Variants in MALRD1 observed in about 807,000 individuals in gnomAD.
The protein encoded by MALRD1 is MAM and LDL-receptor class A domain-containing protein 1.
Under a neutral mutation model 242.1 loss-of-function variants are expected in MALRD1, and 247 were observed. The observed-to-expected ratio is 1.02, with a 90% confidence interval of 0.92 to 1.13. The LOEUF is 1.13. Ranked by LOEUF, MALRD1 falls within the 50% of genes most tolerant of loss-of-function variation. The pLI is 0.00. For synonymous variants in MALRD1, 995 were observed against 866.6 expected (o/e 1.15, Z -2.60); for missense variants, 2,989 against 2,533.1 (o/e 1.18, Z -3.86).
At chr10:19,324,238 G>A (rs1843022668) in intron 22 of MALRD1, 133 bp downstream of exon 22, 2 of 834,638 alleles carry the variant, frequency 2.4e-6, no homozygotes, top group African/African-American at 3.5e-5. Flanking sequence ...ATTTATAGTG[G>A]TATATGGAGT....
At chr10:19,296,433 G>C (rs1017256092) in intron 21 of MALRD1, among the ~76,000 whole-genome samples, 19 of 152,026 alleles carry the variant, frequency 1.2e-4, no homozygotes, top group Non-Finnish European at 2.6e-4. Context: ...GCTTTGGCAT[G>C]ATTTTTCCAG....
chr10:19,318,283 T>G (rs115888652), intron 21 of MALRD1, among the ~76,000 whole-genome samples: 1 of 152,016 alleles, frequency 6.6e-6, no homozygotes, highest in South Asian at 2.1e-4. Flanking sequence ...TATTGCTACA[T>G]TGTACTGTTC....
At chr10:19,111,182 G>T (rs902106098) in intron 5 of MALRD1, among the ~76,000 whole-genome samples, 4 of 152,218 alleles carry the variant, frequency 2.6e-5, no homozygotes, top group Admixed American at 2.6e-4. Flanking sequence ...CAGATGTGTA[G>T]TAAGTATTTA....
chr10:19,682,342 C>T (rs537012381), intron 36 of MALRD1, among the ~76,000 whole-genome samples: 1 of 152,156 alleles, frequency 6.6e-6, no homozygotes, highest in African/African-American at 2.4e-5. Context: ...CAGGCACACT[C>T]AGAAATAAGT....
chr10:19,439,553 G>GGC (rs1834517406), intron 28 of MALRD1, among the ~76,000 whole-genome samples: 1 of 151,258 alleles, frequency 6.6e-6, no homozygotes, highest in Non-Finnish European at 1.5e-5. Flanking sequence ...AAAAGTGGGG[G>GGC]ATAAATATTA....
intron 1 of MALRD1, among the ~76,000 whole-genome samples, chr10:19,055,201 T>G (rs1385837574): frequency 6.6e-6 from 1 of 152,214 alleles, no homozygotes; most frequent in Non-Finnish European, 1.5e-5. Context: ...TATGTCTTCT[T>G]TTGAGTAATA....
intron 32 of MALRD1, among the ~76,000 whole-genome samples, chr10:19,556,200 C>T (rs976884091): frequency 3.3e-5 from 5 of 152,154 alleles, no homozygotes; most frequent in African/African-American, 1.2e-4. Flanking sequence ...TCCCTCTCAA[C>T]TTACCCTTGT....
chr10:19,515,545 C>G lies in MALRD1; in HGVS notation c.5321-15649C>G, dbSNP rs114078742. On this transcript the variant is annotated intron_variant, in intron 31 of 39. Coordinates refer to ENST00000454679, the MANE Select transcript of MALRD1 (RefSeq NM_001142308.3). ...AGATTTCCCGTAGCCTCAACTTTCT[C>G]TTTTTTTTAATTTTTATTTATTTAT... Among the ~76,000 whole-genome samples the G allele has an allele frequency of 3.2e-3, 491 of 151,292 alleles. 2 individuals are homozygous for G. The highest frequency in any genetic ancestry group is 0.011 in the African/African-American group (469 of 41,338).
chr10:19,185,704 A>C (rs975714388), intron 14 of MALRD1, among the ~76,000 whole-genome samples: 9 of 152,142 alleles, frequency 5.9e-5, no homozygotes, highest in African/African-American at 2.2e-4. Flanking sequence ...ATTGACCAAG[A>C]ATAATTGCAT....
At chr10:19,410,931 A>G (rs368907209) in intron 28 of MALRD1, among the ~76,000 whole-genome samples, 6 of 152,298 alleles carry the variant, frequency 3.9e-5, no homozygotes, top group African/African-American at 1.4e-4. Context: ...TTGATAAGCT[A>G]TATGACCATG....
At chr10:19,451,454 A>T (rs1835322512) in intron 29 of MALRD1, among the ~76,000 whole-genome samples, 1 of 152,188 alleles carries the variant, frequency 6.6e-6, no homozygotes, top group Non-Finnish European at 1.5e-5. Flanking sequence ...AATAATTATA[A>T]ATACATTTGT....
intron 29 of MALRD1, among the ~76,000 whole-genome samples, chr10:19,487,313 T>C (rs538620678): frequency 7.2e-5 from 11 of 152,066 alleles, no homozygotes; most frequent in Admixed American, 3.9e-4. Flanking sequence ...AAATCTATCT[T>C]TTCAATTTGC....
At chr10:19,138,126 C>G (rs995958105) in intron 10 of MALRD1, among the ~76,000 whole-genome samples, 3 of 149,092 alleles carry the variant, frequency 2.0e-5, no homozygotes, top group Non-Finnish European at 4.4e-5. Flanking sequence ...AAATCCCCTT[C>G]TGCCATGTTC....
chr10:19,613,679 A>G (rs1839003834), intron 35 of MALRD1, among the ~76,000 whole-genome samples: 1 of 152,066 alleles, frequency 6.6e-6, no homozygotes, highest in Non-Finnish European at 1.5e-5. Flanking sequence ...ATTCTAACAC[A>G]TGAAACATGA....
In MALRD1 at chr10:19,209,393, A is replaced by C. The variant is rs966637144; in HGVS notation, c.2704A>C (p.Asn902His). 5.2e-6 allele frequency: 8 copies of C among 1,550,968 alleles called. No homozygotes were observed. The highest frequency in any genetic ancestry group is 7.0e-6 in the Non-Finnish European group (8 of 1,147,098). ...ACTTAACACAGGGCCAATGAAAGAT[A>C]ACACTCTGGGCACAGCTAAAGGACA... ...PTLNTGPMKD[N>H]TLGTAKGHYL... The change falls in exon 18 of 40, where the codon AAC becomes CAC. Residue 902 changes from asparagine (N) to histidine (H), a missense_variant. Physicochemically the swap from Asn to His is moderately conservative, Grantham distance 68. Transcript: ENST00000454679.
intron 36 of MALRD1, among the ~76,000 whole-genome samples, chr10:19,621,310 C>A (rs1839389154): frequency 8.0e-6 from 1 of 124,308 alleles, no homozygotes; most frequent in Non-Finnish European, 1.7e-5. Flanking sequence ...ATACATGCAA[C>A]ACTTTAATTT....
chr10:19,577,066 G>A (rs1417682274), intron 33 of MALRD1, among the ~76,000 whole-genome samples: 1 of 149,652 alleles, frequency 6.7e-6, no homozygotes, highest in Non-Finnish European at 1.5e-5. Flanking sequence ...ATAACATAGA[G>A]TAGGTATGTA....
At chr10:19,237,019 A>G (rs1198795374) in intron 18 of MALRD1, among the ~76,000 whole-genome samples, 16 of 152,124 alleles carry the variant, frequency 1.1e-4, no homozygotes, top group Admixed American at 9.8e-4. Context: ...TCACATTGTA[A>G]TTATATAGAT....
intron 36 of MALRD1, among the ~76,000 whole-genome samples, chr10:19,664,232 A>G (rs1375473946): frequency 6.6e-6 from 1 of 152,094 alleles, no homozygotes; most frequent in Non-Finnish European, 1.5e-5. Flanking sequence ...ATAAAGAAAC[A>G]TGGTGACTAG....
Sources: gnomAD v4.1 joint callset for allele counts (sites outside exome capture counted in the v4.1 genomes callset) on GRCh38, gnomAD v4.1.1 for gene constraint, MANE v1.5 for transcripts, NCBI Gene and HGNC (gene_info 2026-07-23, HGNC 2026-07-21) for gene names.